The following SLC35F1 variants were observed in gnomAD, a reference collection of about 807,000 sequenced individuals.
SLC35F1 encodes the protein chromosome 6 open reading frame 169.
A neutral mutation model predicts 48.7 loss-of-function variants in SLC35F1; 14 were observed. The observed-to-expected ratio is 0.29, with a 90% CI of 0.19 to 0.45. SLC35F1 has a LOEUF of 0.45. SLC35F1 is among the 20% of genes least tolerant of loss of function. SLC35F1 has a pLI of 1.00. For missense variants in SLC35F1, 404 were observed against 500.0 expected, an observed-to-expected ratio of 0.81 and a Z score of 1.83; for synonymous variants, 190 against 202.2, an observed-to-expected ratio of 0.94 and a Z score of 0.51.
intron 1 of SLC35F1, among the ~76,000 whole-genome samples, chr6:118,123,629 A>G (rs547286457): frequency 2.6e-5 from 4 of 152,172 alleles, no homozygotes; most frequent in Admixed American, 2.6e-4. Flanking sequence ...ATCTTCCCTA[A>G]AAAGAATGAC....
chr6:118,286,384 A>G (rs1197534114), intron 7 of SLC35F1, among the ~76,000 whole-genome samples: 1 of 152,162 alleles, frequency 6.6e-6, no homozygotes, highest in Admixed American at 6.5e-5. Context: ...ACAATAAGCT[A>G]AAAAGAGCAT....
intron 7 of SLC35F1, among the ~76,000 whole-genome samples, chr6:118,295,179 G>A (rs765740648): frequency 3.9e-5 from 6 of 152,006 alleles, no homozygotes; most frequent in Non-Finnish European, 5.9e-5. Context: ...TGTTATAAGA[G>A]ATTTGGCAAA....
intron 1 of SLC35F1, among the ~76,000 whole-genome samples, chr6:118,072,147 T>C (rs1347107318): frequency 6.6e-6 from 1 of 152,232 alleles, no homozygotes; most frequent in African/African-American, 2.4e-5. Flanking sequence ...GACTTTGTCC[T>C]CCAAAACTTC....
intron 1 of SLC35F1, among the ~76,000 whole-genome samples, chr6:117,908,377 CG>C (rs947924145): frequency 2.6e-5 from 4 of 152,178 alleles, no homozygotes; most frequent in Non-Finnish European, 5.9e-5. Flanking sequence ...GACCCCTTGC[CG>C]GGGGAATGGG....
chr6:118,300,979 T>C (rs1253287900), intron 7 of SLC35F1, among the ~76,000 whole-genome samples: 9 of 152,160 alleles, frequency 5.9e-5, no homozygotes, highest in Non-Finnish European at 1.2e-4. Flanking sequence ...TGTGTTCCAT[T>C]GCTCTGTGGA....
At chr6:118,004,701 A>G (rs893558269) in intron 1 of SLC35F1, among the ~76,000 whole-genome samples, 3 of 152,126 alleles carry the variant, frequency 2.0e-5, no homozygotes, top group Admixed American at 1.3e-4. Flanking sequence ...AGCTGAGACT[A>G]CAGGTCCATG....
chr6:117,907,805 G>A lies in SLC35F1; in HGVS notation c.79G>A (p.Glu27Lys), dbSNP rs756855211. 4.5e-6 allele frequency: 7 copies of A among 1,556,234 alleles called. No individual in the cohort carries two copies. Among genetic ancestry groups the A allele is most frequent in the Non-Finnish European group, 6.0e-6 (7 of 1,160,464 alleles). The change falls in exon 1 of 8, where the codon GAG (glutamate) becomes AAG (lysine). Residue 27 changes from glutamate (E) to lysine (K), a missense_variant. This residue lies in a region of SLC35F1 where 98 missense variants were observed against 81.0 expected (regional missense o/e 1.21). Transcript: ENST00000360388. The part of the protein sequence containing the change: ...APPNHVVTTI[E>K]NLPAEGSGGG... The stretch of plus-strand genomic sequence containing the variant: ...GCCGAACCATGTGGTGACCACCATC[G>A]AGAACCTGCCGGCCGAGGGCAGCGG...
At chr6:118,081,696 G>A (rs186294955) in intron 1 of SLC35F1, among the ~76,000 whole-genome samples, 1 of 152,274 alleles carries the variant, frequency 6.6e-6, no homozygotes, top group East Asian at 1.9e-4. Flanking sequence ...TCTGCAAATG[G>A]TATAATCTGG....
At chr6:118,026,597 TCTG>T (rs1771950671) in intron 1 of SLC35F1, among the ~76,000 whole-genome samples, 1 of 152,196 alleles carries the variant, frequency 6.6e-6, no homozygotes, top group Non-Finnish European at 1.5e-5. Flanking sequence ...AATTTTTACT[TCTG>T]TTTTGTTTGC....
At chr6:118,286,036 C>T (rs1266590951) in intron 7 of SLC35F1, among the ~76,000 whole-genome samples, 1 of 152,168 alleles carries the variant, frequency 6.6e-6, no homozygotes, top group Non-Finnish European at 1.5e-5. Flanking sequence ...TAACACCACA[C>T]TCACTGCTGC....
At chr6:118,022,770 T>TGA (rs1372312645) in intron 1 of SLC35F1, among the ~76,000 whole-genome samples, 1 of 135,040 alleles carries the variant, frequency 7.4e-6, no homozygotes, top group African/African-American at 3.0e-5. Context: ...TTTTTTTTTT[T>TGA]GAGAGAGTCT....
chr6:118,008,289 A>C (rs1777201475), intron 1 of SLC35F1, among the ~76,000 whole-genome samples: 1 of 152,126 alleles, frequency 6.6e-6, no homozygotes. Flanking sequence ...AGAAAAAAAA[A>C]AAGCAGCGAC....
chr6:118,268,147 C>T (rs1451326902), intron 4 of SLC35F1, among the ~76,000 whole-genome samples: 3 of 152,166 alleles, frequency 2.0e-5, no homozygotes, highest in Non-Finnish European at 4.4e-5. Flanking sequence ...TGTTCAACTC[C>T]TTTGTAATTG....
intron 2 of SLC35F1, among the ~76,000 whole-genome samples, chr6:118,155,503 T>C (rs776115485): frequency 3.3e-5 from 5 of 152,214 alleles, no homozygotes; most frequent in Non-Finnish European, 5.9e-5. Flanking sequence ...CTTGTGCCTG[T>C]CTGCCATGTG....
chr6:118,094,949 C>T (rs918901244), intron 1 of SLC35F1, among the ~76,000 whole-genome samples: 1 of 145,468 alleles, frequency 6.9e-6, no homozygotes, highest in Non-Finnish European at 1.5e-5. Context: ...GCCTGGGTGA[C>T]AGAGCGAGAC....
chr6:118,072,718 C>T (rs746591814), intron 1 of SLC35F1, among the ~76,000 whole-genome samples: 34 of 152,018 alleles, frequency 2.2e-4, no homozygotes, highest in Admixed American at 7.9e-4. Context: ...CATTTGAAAG[C>T]GAATTGGGAG....
chr6:118,154,570 A>G lies in SLC35F1; in HGVS notation c.299A>G (p.Asn100Ser), dbSNP rs943529018. The change falls in exon 2 of 8, where the codon AAT becomes AGT. Residue 100 changes from asparagine to serine, a missense_variant. Physicochemically the swap from Asn to Ser is conservative, Grantham distance 46 (BLOSUM62 1). This residue lies in a region of SLC35F1 where 306 missense variants were observed against 419.1 expected (regional missense o/e 0.73). Transcript: ENST00000360388. ...ANTPVFQSFL[N>S]YILLFLVYTT... ...ACACCAGTCTTCCAGAGTTTCCTCAATTACATTCTTCTCTTCTTGGTCTAT... is the reference window on the plus strand; with the variant it reads ...ACACCAGTCTTCCAGAGTTTCCTCAGTTACATTCTTCTCTTCTTGGTCTAT... The G allele has an allele frequency of 1.9e-6, 3 of 1,614,046 alleles. No individual in the cohort carries two copies. The highest frequency in any genetic ancestry group is 2.5e-6 in the Non-Finnish European group (3 of 1,179,942).
chr6:118,299,795 G>C (rs1212868451), intron 7 of SLC35F1, among the ~76,000 whole-genome samples: 1 of 152,142 alleles, frequency 6.6e-6, no homozygotes, highest in African/African-American at 2.4e-5. Context: ...ATAAGGTCCA[G>C]GTTTCTCATC....
At chr6:118,165,969 A>G (rs1774311726) in intron 2 of SLC35F1, among the ~76,000 whole-genome samples, 1 of 152,200 alleles carries the variant, frequency 6.6e-6, no homozygotes, top group South Asian at 2.1e-4. Flanking sequence ...AGGCCATCAC[A>G]GTGGAAACTA....
Sources: allele counts gnomAD v4.1 joint callset (sites outside exome capture counted in the v4.1 genomes callset), GRCh38; gene constraint gnomAD v4.1.1; regional missense constraint gnomAD v4.1.1; transcripts MANE v1.5; gene names NCBI Gene and HGNC (gene_info 2026-07-23, HGNC 2026-07-21).